WWOX: variants seen among roughly 807,000 people sequenced by gnomAD.
The protein encoded by WWOX is WW domain containing oxidoreductase, also known as WW domain-containing oxidoreductase.
WWOX carries 69 observed loss-of-function variants against 46.2 expected under a neutral mutation model. The observed-to-expected ratio is 1.49, with a 90% CI of 1.23 to 1.82. The LOEUF (loss-of-function observed/expected upper bound fraction) is 1.82. WWOX is among the 40% of genes most tolerant of loss of function. WWOX has a pLI of 0.00. For missense variants in WWOX, 919 were observed against 542.6 expected (o/e 1.69, Z -6.89); for synonymous variants, 359 against 202.6 (o/e 1.77, Z -6.56).
chr16:78,365,787 C>G (rs1183289465), intron 5 of WWOX, among the ~76,000 whole-genome samples: 5 of 152,330 alleles, frequency 3.3e-5, no homozygotes, highest in Admixed American at 2.6e-4. Context: ...TGCCCCTCCT[C>G]TATGGCTCCC....
chr16:78,100,099 C>A, intron 1 of WWOX: 1 of 1,376,138 alleles, frequency 7.3e-7, no homozygotes, highest in Non-Finnish European at 9.4e-7. Context: ...CTGGTGGCTT[C>A]CCGGCGCGCC....
chr16:79,093,468 A>G (rs933600568), intron 8 of WWOX, among the ~76,000 whole-genome samples: 13 of 152,216 alleles, frequency 8.5e-5, no homozygotes. Context: ...TTGCCTAAAA[A>G]TTGTGCTTGC....
chr16:78,206,474 A>G (rs953827278), intron 5 of WWOX, among the ~76,000 whole-genome samples: 15 of 152,146 alleles, frequency 9.9e-5, no homozygotes, highest in African/African-American at 3.6e-4. Flanking sequence ...TTTACCTTCA[A>G]AAGACGGGAG....
At chr16:78,535,813 G>C (rs1873861902) in intron 8 of WWOX, among the ~76,000 whole-genome samples, 1 of 152,186 alleles carries the variant, frequency 6.6e-6, no homozygotes, top group East Asian at 1.9e-4. Context: ...ACACAAGTTG[G>C]AGGGAATCCA....
At chr16:79,077,579 C>G (rs1157313041) in intron 8 of WWOX, 1 of 151,056 alleles carries the variant, frequency 6.6e-6, no homozygotes, top group Non-Finnish European at 1.5e-5. Context: ...TACAAATTGT[C>G]AAGTACTTAA....
At chr16:78,960,128 A>G (rs1412149013) in intron 8 of WWOX, among the ~76,000 whole-genome samples, 1 of 152,204 alleles carries the variant, frequency 6.6e-6, no homozygotes, top group Admixed American at 6.5e-5. Context: ...GCTGTGGCTC[A>G]GAGGCAGAGT....
intron 8 of WWOX, among the ~76,000 whole-genome samples, chr16:79,115,723 A>G (rs922517580): frequency 1.3e-5 from 2 of 152,210 alleles, no homozygotes; most frequent in Non-Finnish European, 1.5e-5. Flanking sequence ...AGAGAAAAAA[A>G]CAGTGATAGG....
intron 5 of WWOX, among the ~76,000 whole-genome samples, chr16:78,360,924 G>A (rs142285867): frequency 0.023 from 3,484 of 151,962 alleles, 136 homozygotes; most frequent in African/African-American, 0.078. Context: ...AGGCTCAAGC[G>A]ATCCTCCCAC....
At chr16:78,782,099 A>T (rs937995293) in intron 8 of WWOX, among the ~76,000 whole-genome samples, 1 of 152,100 alleles carries the variant, frequency 6.6e-6, no homozygotes, top group Non-Finnish European at 1.5e-5. Context: ...AAGCTGTTAC[A>T]TTTGGCAGCA....
chr16:78,652,278 G>A (rs913348803), intron 8 of WWOX, among the ~76,000 whole-genome samples: 3 of 149,044 alleles, frequency 2.0e-5, no homozygotes, highest in East Asian at 3.9e-4. Context: ...GCGTGGTGGT[G>A]AGCACCTGTA....
chr16:78,578,644 A>G (rs2044968118), intron 8 of WWOX, among the ~76,000 whole-genome samples: 1 of 152,138 alleles, frequency 6.6e-6, no homozygotes, highest in South Asian at 2.1e-4. Flanking sequence ...ATTTAAAAAG[A>G]CAGATACATA....
intron 4 of WWOX, among the ~76,000 whole-genome samples, chr16:78,145,567 C>G (rs1419575669): frequency 1.3e-5 from 2 of 152,092 alleles, no homozygotes; most frequent in African/African-American, 4.8e-5. Context: ...ATGGTACCAA[C>G]CCAAATTGAG....
chr16:78,672,366 C>T (rs928276872), intron 8 of WWOX, among the ~76,000 whole-genome samples: 6 of 152,112 alleles, frequency 3.9e-5, no homozygotes, highest in Admixed American at 6.6e-5. Flanking sequence ...TAGCCAAGTG[C>T]GATGATCAGA....
In WWOX at chr16:79,175,739, C is replaced by T. The variant is rs953890163; in HGVS notation, c.1057-35869C>T. Among the ~76,000 whole-genome samples the T allele has an allele frequency of 5.9e-5, 9 of 152,290 alleles. No individual in the cohort carries two copies. In the Middle Eastern group the frequency reaches 0.014, roughly 230 times the overall value. On this transcript the variant is annotated intron_variant, in intron 8 of 8. Coordinates refer to ENST00000566780, the MANE Select transcript of WWOX (RefSeq NM_016373.4). Reference sequence around the variant, plus strand: ...GCACCGATGTTTAACAAAAAAGATCCTTTCAGAGTTACTCATACGACTTAC... The same window carrying T: ...GCACCGATGTTTAACAAAAAAGATCTTTTCAGAGTTACTCATACGACTTAC...
intron 8 of WWOX, among the ~76,000 whole-genome samples, chr16:78,749,947 T>C (rs530672887): frequency 1.3e-5 from 2 of 152,344 alleles, no homozygotes; most frequent in East Asian, 3.9e-4. Flanking sequence ...AGTCTTGCAC[T>C]GTTTACAAGT....
At chr16:78,794,860 C>G (rs1359081392) in intron 8 of WWOX, among the ~76,000 whole-genome samples, 1 of 152,236 alleles carries the variant, frequency 6.6e-6, no homozygotes, top group Non-Finnish European at 1.5e-5. Context: ...TGACACCTGT[C>G]TGACTTTGAC....
chr16:78,336,889 C>T (rs952235552), intron 5 of WWOX, among the ~76,000 whole-genome samples: 4 of 152,150 alleles, frequency 2.6e-5, no homozygotes, highest in Non-Finnish European at 4.4e-5. Flanking sequence ...AGCCATTCTC[C>T]TGCCTCAGCC....
rs78983419 is a variant in WWOX at position 78,804,754 on chromosome 16, A to C, written c.1056+372002A>C. Among the ~76,000 whole-genome samples the C allele has an allele frequency of 5.2e-3, 785 of 152,306 alleles. 8 individuals carry two copies. Among genetic ancestry groups the C allele is most frequent in the African/African-American group, 0.018 (741 of 41,568 alleles). ...AATTTTAAAATGCTGTTTGTAGCAA[A>C]AGTTACCTTGATAGTTCAGGTGTGC... On this transcript the variant is annotated intron_variant, in intron 8 of 8. Coordinates refer to ENST00000566780, the MANE Select transcript of WWOX (RefSeq NM_016373.4).
intron 7 of WWOX, among the ~76,000 whole-genome samples, chr16:78,429,874 A>T (rs1256810826): frequency 1.3e-5 from 2 of 152,212 alleles, no homozygotes; most frequent in Non-Finnish European, 2.9e-5. Context: ...TACAGGAAAG[A>T]TGGGGATGTA....
Sources: allele counts gnomAD v4.1 joint callset (sites outside exome capture counted in the v4.1 genomes callset), GRCh38; gene constraint gnomAD v4.1.1; transcripts MANE v1.5; gene names NCBI Gene and HGNC (gene_info 2026-07-23, HGNC 2026-07-21).